The following RGS6 variants were observed in gnomAD, a reference collection of about 807,000 sequenced individuals.
RGS6 encodes the protein regulator of G-protein signaling 6.
In RGS6, 30 loss-of-function variants were observed where a neutral mutation model predicts 78.5. The ratio of observed to expected loss-of-function variants is 0.38; its 90% CI spans 0.29 to 0.52. The LOEUF is 0.52. RGS6 is among the 20% of genes least tolerant of loss of function. RGS6 has a pLI of 0.85. For synonymous variants in RGS6, 206 were observed against 206.0 expected, an observed-to-expected ratio of 1.00 and a Z score of 0.00; for missense variants, 495 against 609.7, an observed-to-expected ratio of 0.81 and a Z score of 1.98.
intron 2 of RGS6, among the ~76,000 whole-genome samples, chr14:72,207,649 A>G (rs2043021394): frequency 6.6e-6 from 1 of 152,172 alleles, no homozygotes; most frequent in African/African-American, 2.4e-5. Context: ...CACCTCACCC[A>G]GGCTTATTCT....
the RGS6 span, among the ~76,000 whole-genome samples, chr14:72,608,052 T>G: frequency 6.6e-6 from 1 of 152,162 alleles, no homozygotes; most frequent in African/African-American, 2.4e-5. Flanking sequence ...AGCTTCCAAC[T>G]AAAACCACGC....
At chr14:72,353,159 T>C (rs1291775969) in intron 3 of RGS6, among the ~76,000 whole-genome samples, 5 of 152,246 alleles carry the variant, frequency 3.3e-5, no homozygotes, top group African/African-American at 4.8e-5. Context: ...AGTTAAGCAA[T>C]GCTTACCATA....
chr14:72,236,113 A>T (rs1313038530), intron 2 of RGS6, among the ~76,000 whole-genome samples: 1 of 152,218 alleles, frequency 6.6e-6, no homozygotes, highest in African/African-American at 2.4e-5. Flanking sequence ...TGCTTGGCAA[A>T]ATGAAAGGGA....
chr14:72,402,721 T>A (rs1246228555), intron 3 of RGS6, among the ~76,000 whole-genome samples: 1 of 150,792 alleles, frequency 6.6e-6, no homozygotes, highest in Non-Finnish European at 1.5e-5. Flanking sequence ...AAAATAGAAC[T>A]ACCATACAAC....
chr14:71,996,790 G>T (rs1031729788), intron 2 of RGS6, among the ~76,000 whole-genome samples: 2 of 152,068 alleles, frequency 1.3e-5, no homozygotes, highest in Non-Finnish European at 2.9e-5. Flanking sequence ...GGGAGGAAGG[G>T]GGTGGCGGGA....
At chr14:72,619,245 G>A in the RGS6 span, 6 of 1,520,728 alleles carry the variant, frequency 3.9e-6, no homozygotes, top group Non-Finnish European at 5.3e-6. Flanking sequence ...GGTTTGAACT[G>A]GGCTCTGCTT....
chr14:72,268,600 C>T (rs967562195), intron 2 of RGS6, among the ~76,000 whole-genome samples: 4 of 152,184 alleles, frequency 2.6e-5, no homozygotes, highest in Non-Finnish European at 4.4e-5. Context: ...TCATTTTCAC[C>T]CGAAATAGGA....
intron 15 of RGS6, among the ~76,000 whole-genome samples, chr14:72,521,301 C>G (rs1279580551): frequency 1.3e-5 from 2 of 152,200 alleles, no homozygotes; most frequent in African/African-American, 4.8e-5. Flanking sequence ...AATACAGCAA[C>G]AGTATGATTA....
chr14:72,466,643 A>G (rs1215810858), intron 7 of RGS6, among the ~76,000 whole-genome samples: 1 of 152,256 alleles, frequency 6.6e-6, no homozygotes, highest in Non-Finnish European at 1.5e-5. Context: ...CAGGCCAGCC[A>G]TTCCATTTAT....
chr14:72,183,148 T>G (rs181147787), intron 2 of RGS6, among the ~76,000 whole-genome samples: 2 of 152,336 alleles, frequency 1.3e-5, no homozygotes, highest in Admixed American at 1.3e-4. Context: ...TCTGATAAGG[T>G]AGGCTTACTT....
chr14:72,126,505 C>T (rs1043281358), intron 2 of RGS6, among the ~76,000 whole-genome samples: 1 of 152,220 alleles, frequency 6.6e-6, no homozygotes, highest in South Asian at 2.1e-4. Context: ...TCACATAGAG[C>T]CGTTGGTTAA....
At chr14:71,930,545 A>G (rs1398866469), upstream of RGS6, among the ~76,000 whole-genome samples, 1 of 152,196 alleles carries the variant, frequency 6.6e-6, no homozygotes, top group Non-Finnish European at 1.5e-5. Context: ...TAATTCCTAT[A>G]AATATCTGAT....
intron 12 of RGS6, among the ~76,000 whole-genome samples, chr14:72,478,690 G>A (rs1378408012): frequency 2.0e-5 from 3 of 152,226 alleles, no homozygotes; most frequent in Non-Finnish European, 4.4e-5. Flanking sequence ...ACTTTATAGG[G>A]GAAAAGAAAT....
the RGS6 span, among the ~76,000 whole-genome samples, chr14:71,895,987 A>G: frequency 6.6e-6 from 1 of 152,062 alleles, no homozygotes; most frequent in Non-Finnish European, 1.5e-5. Flanking sequence ...ACCCAACAGA[A>G]GCTGGAAGGC....
chr14:72,188,813 A>G (rs1266311589), intron 2 of RGS6, among the ~76,000 whole-genome samples: 2 of 152,144 alleles, frequency 1.3e-5, no homozygotes, highest in Non-Finnish European at 2.9e-5. Flanking sequence ...CACGACACCA[A>G]TGTGCCTTAA....
At chr14:72,280,944 G>T (rs1459804179) in intron 2 of RGS6, among the ~76,000 whole-genome samples, 1 of 152,136 alleles carries the variant, frequency 6.6e-6, no homozygotes, top group Non-Finnish European at 1.5e-5. Context: ...TATCTCATGT[G>T]GACAGATGGT....
intron 2 of RGS6, among the ~76,000 whole-genome samples, chr14:72,117,737 G>A (rs1402005047): frequency 6.6e-6 from 1 of 152,136 alleles, no homozygotes; most frequent in Admixed American, 6.5e-5. Flanking sequence ...TGGGAGAGAT[G>A]TGATCGGGGA....
the RGS6 span, among the ~76,000 whole-genome samples, chr14:72,621,539 G>A: frequency 2.2e-4 from 34 of 152,310 alleles, no homozygotes; most frequent in East Asian, 1.7e-3. Flanking sequence ...GCTAAAACCC[G>A]TCAGTGGGGC....
At chr14:72,238,612 A>G (rs2051839770) in intron 2 of RGS6, among the ~76,000 whole-genome samples, 1 of 151,870 alleles carries the variant, frequency 6.6e-6, no homozygotes, top group Admixed American at 6.6e-5. Context: ...CTCAGTGTGT[A>G]TATATTGAGG....
Sources: gnomAD v4.1 joint callset for allele counts (sites outside exome capture counted in the v4.1 genomes callset) on GRCh38, gnomAD v4.1.1 for gene constraint, MANE v1.5 for transcripts, NCBI Gene and HGNC (gene_info 2026-07-23, HGNC 2026-07-21) for gene names.